Variants in ATXN10 observed in about 807,000 individuals in gnomAD.
The protein encoded by ATXN10 is ataxin-10.
ATXN10 carries 28 observed loss-of-function variants against 52.9 expected under a neutral mutation model. That is an observed-to-expected ratio of 0.53 (90% CI 0.39 to 0.73). The LOEUF (loss-of-function observed/expected upper bound fraction) is 0.73. ATXN10 is among the 30% of genes least tolerant of loss of function. ATXN10 has a pLI of 0.00. For missense variants in ATXN10, 565 were observed against 577.0 expected, an observed-to-expected ratio of 0.98 and a Z score of 0.21; for synonymous variants, 226 against 221.5, an observed-to-expected ratio of 1.02 and a Z score of -0.18.
chr22:45,703,565 A>G (rs1432178464), intron 5 of ATXN10, among the ~76,000 whole-genome samples: 2 of 152,196 alleles, frequency 1.3e-5, no homozygotes, highest in African/African-American at 4.8e-5. Flanking sequence ...AGGCAGGGCC[A>G]AGGCTGTGGC....
rs761365419 is a variant in ATXN10 at position 45,689,861 on chromosome 22, G to A, written c.266G>A (p.Arg89His). Reference sequence around the variant, plus strand: ...ATAACAGAATGCTTCAGGTGTCTTCGCAATGCTTGCATAGAGTGTTCTGTG... The same window carrying A: ...ATAACAGAATGCTTCAGGTGTCTTCACAATGCTTGCATAGAGTGTTCTGTG... ...QLITECFRCL[R>H]NACIECSVNQ... is the part of the protein sequence containing the mutation. The change falls in exon 2 of 12, where the codon CGC becomes CAC. Residue 89 changes from arginine (R) to histidine (H), a missense_variant. By Grantham distance (29) the Arg-to-His change is conservative (BLOSUM62 0). Coordinates refer to ENST00000252934, the MANE Select transcript of ATXN10 (RefSeq NM_013236.4). The A allele has an allele frequency of 1.4e-5, 23 of 1,614,028 alleles. No individual in the cohort carries two copies. Among genetic ancestry groups the A allele is most frequent in the Non-Finnish European group, 1.9e-5 (23 of 1,180,038 alleles).
At position 45,780,150 on chromosome 22, in the gene ATXN10, C is replaced by T. The variant is rs185466081; in HGVS notation, c.1174-26809C>T. Among the ~76,000 whole-genome samples the T allele has an allele frequency of 8.0e-5, 12 of 150,690 alleles. No homozygotes were observed. Among genetic ancestry groups the T allele is most frequent in the African/African-American group, 2.7e-4 (11 of 40,916 alleles). On this transcript the variant is annotated intron_variant, in intron 9 of 11. Transcript: ENST00000252934. The surrounding 1 kb of genome is among the most constrained non-coding windows in gnomAD (Gnocchi z 4.0). ...CCAGGCTGGAGTGCAGTGGCACGAT[C>T]TTGGTTCACTGCAACCTCCACCTCC...
rs373701019 is a variant in ATXN10 at position 45,824,610 on chromosome 22, T to C, written c.1237+17588T>C. Among the ~76,000 whole-genome samples the C allele has an allele frequency of 1.3e-5, 2 of 152,194 alleles. No individual in the cohort carries two copies. Among genetic ancestry groups the C allele is most frequent in the Admixed American group, 6.5e-5 (1 of 15,278 alleles). On this transcript the variant is annotated intron_variant, in intron 10 of 11. Coordinates refer to ENST00000252934, the MANE Select transcript of ATXN10 (RefSeq NM_013236.4). This position sits in a 1 kb window ranked among gnomAD's most constrained non-coding sequence, Gnocchi z 5.2. ...TATTTAATGAAATCTTCAAGTGGCATCAGATGCTAGTTGGGAACAATGACT... is the reference window on the plus strand; with the variant it reads ...TATTTAATGAAATCTTCAAGTGGCACCAGATGCTAGTTGGGAACAATGACT...
At chr22:45,722,672 C>G (rs951209983) in intron 6 of ATXN10, among the ~76,000 whole-genome samples, 1 of 151,972 alleles carries the variant, frequency 6.6e-6, no homozygotes, top group African/African-American at 2.4e-5. Context: ...GCTTCTACTC[C>G]CTTTAGCACT....
rs1926292125 is a variant in ATXN10, at chr22:45,759,314, C to G, written c.1173+18776C>G. 6.6e-6 allele frequency among the ~76,000 whole-genome samples: 1 copy of G among 152,170 alleles called. No individual in the cohort carries two copies. Among genetic ancestry groups the G allele is most frequent in the Non-Finnish European group, 1.5e-5 (1 of 68,032 alleles). On this transcript the variant is annotated intron_variant, in intron 9 of 11. Coordinates refer to ENST00000252934, the MANE Select transcript of ATXN10 (RefSeq NM_013236.4). This position sits in a 1 kb window ranked among gnomAD's most constrained non-coding sequence, Gnocchi z 5.4. ...ATCACCTGAGGTCAGGAGTTCAAGA[C>G]CAGCCTGGCTAACATGGTGAAACCC...
In ATXN10 at chr22:45,733,819, A is replaced by T. The variant is rs1925181528; in HGVS notation, c.894+4229A>T. 6.7e-6 allele frequency among the ~76,000 whole-genome samples: 1 copy of T among 148,600 alleles called. No homozygotes were observed. Among genetic ancestry groups the T allele is most frequent in the African/African-American group, 2.5e-5 (1 of 40,608 alleles). On this transcript the variant is annotated intron_variant, in intron 7 of 11. Coordinates refer to ENST00000252934, the MANE Select transcript of ATXN10 (RefSeq NM_013236.4). The surrounding 1 kb of genome is among the most constrained non-coding windows in gnomAD (Gnocchi z 4.4). ...CCCAGCCTCCATTTGTTTTCTATAG[A>T]TCTGCATATCCTTTTTTTTTTGTTT...
Position 45,823,446 on chromosome 22 carries a change from C to T in ATXN10, c.1237+16424C>T, listed in dbSNP as rs117352803. ...GGATTCTGTCTTTTTTTAATTTCCC[C>T]TGCGATTATGCAGTTGTTTCCGTTT... On this transcript the variant is annotated intron_variant, in intron 10 of 11. Transcript: ENST00000252934. This position sits in a 1 kb window ranked among gnomAD's most constrained non-coding sequence, Gnocchi z 4.9. Among the ~76,000 whole-genome samples, 7,051 of 152,094 alleles carry T rather than the reference C, an allele frequency of 0.046. 191 individuals carry two copies. The highest frequency in any genetic ancestry group is 0.06 in the Non-Finnish European group (4,099 of 68,008).
rs11090651 is a variant in ATXN10 at position 45,715,558 on chromosome 22, G to C, written c.648-2855G>C. Among the ~76,000 whole-genome samples, 3,548 of 152,242 alleles carry C rather than the reference G, an allele frequency of 0.023. 160 individuals carry two copies. Among genetic ancestry groups the C allele is most frequent in the African/African-American group, 0.081 (3,374 of 41,546 alleles). On this transcript the variant is annotated intron_variant, in intron 5 of 11. Transcript: ENST00000252934. The surrounding 1 kb of genome is among the most constrained non-coding windows in gnomAD (Gnocchi z 4.4). ...GTTGTTGTTGTTGTTAAGCTCATTAGCTATTCTTAGTATATTTTATCTGTG... is the reference window on the plus strand; with the variant it reads ...GTTGTTGTTGTTGTTAAGCTCATTACCTATTCTTAGTATATTTTATCTGTG...
chr22:45,831,848 G>C (rs193101017), intron 10 of ATXN10, among the ~76,000 whole-genome samples: 4 of 152,308 alleles, frequency 2.6e-5, no homozygotes, highest in Non-Finnish European at 5.9e-5. Context: ...AGAGGAGCGT[G>C]GTGGCCTTTA....
Position 45,740,725 on chromosome 22 carries a change from TATAC to T in ATXN10, c.1173+189_1173+192del, listed in dbSNP as rs775069449. The T allele has an allele frequency of 7.4e-3, 2,693 of 364,984 alleles. 136 individuals carry two copies. The highest frequency in any genetic ancestry group is 0.064 in the African/African-American group (2,481 of 38,614). The allele number at this position is 364,984 out of a possible 1,614,324, so 22.6% of individuals were successfully genotyped here. ...ACACACACACACACACACACATATATATACACACACACACGTGTGTGTGTGTGTG... is the reference window on the plus strand; with the variant it reads ...ACACACACACACACACACACATATATACACACACACGTGTGTGTGTGTGTG... On this transcript the variant is annotated intron_variant, in intron 9 of 11. Transcript: ENST00000252934.
rs536435233 is a variant in ATXN10, at chr22:45,804,796, T to G, written c.1174-2163T>G. Among the ~76,000 whole-genome samples the G allele has an allele frequency of 2.2e-4, 34 of 152,330 alleles. No homozygotes were observed. The South Asian group carries it at 7.1e-3, about 32-fold the overall frequency. ...TTATACAAGGCACATTCACAGAGTC[T>G]CCATTCCTGTTTCCTCCACCCCATT... On this transcript the variant is annotated intron_variant, in intron 9 of 11. Transcript: ENST00000252934.
Position 45,733,756 on chromosome 22 carries a change from T to TA in ATXN10, c.894+4180dup, listed in dbSNP as rs80005624. On this transcript the variant is annotated intron_variant, in intron 7 of 11. Transcript: ENST00000252934. This position sits in a 1 kb window ranked among gnomAD's most constrained non-coding sequence, Gnocchi z 4.4. ...GGGCGACAGAGCAAGACTCCCATCTTAAAAAAAAAAAAAAGTTACAAAGTT... is the reference window on the plus strand; with the variant it reads ...GGGCGACAGAGCAAGACTCCCATCTTAAAAAAAAAAAAAAAGTTACAAAGTT... 7.0e-4 allele frequency among the ~76,000 whole-genome samples: 99 copies of TA among 141,662 alleles called. No homozygotes were observed. The highest frequency in any genetic ancestry group is 8.0e-4 in the East Asian group (4 of 4,984). The allele number at this position is 141,662 out of a possible 152,430, so 92.9% of individuals were successfully genotyped here. A position where few individuals can be genotyped will look rare whatever the true frequency, so the allele number is the denominator to read the frequency against.
intron 3 of ATXN10, among the ~76,000 whole-genome samples, chr22:45,695,708 G>A (rs1168998978): frequency 2.0e-5 from 3 of 151,952 alleles, no homozygotes; most frequent in African/African-American, 7.3e-5. Flanking sequence ...TGGCCAGGCA[G>A]GTCTTGAACT....
At chr22:45,747,230 A>G (rs1011472616) in intron 9 of ATXN10, among the ~76,000 whole-genome samples, 1 of 152,312 alleles carries the variant, frequency 6.6e-6, no homozygotes, top group Non-Finnish European at 1.5e-5. Context: ...GGCCGGGTGC[A>G]GTGGCTCAAG....
chr22:45,733,553 GGT>G lies in ATXN10; in HGVS notation c.894+3965_894+3966del, dbSNP rs988866073. 2.6e-5 allele frequency among the ~76,000 whole-genome samples: 4 copies of G among 152,068 alleles called. No individual in the cohort carries two copies. The highest frequency in any genetic ancestry group is 5.9e-5 in the Non-Finnish European group (4 of 68,020). ...AGTTTGAGACCAGCCTGACTAACAT[GGT>G]GAGACCCCCGTCTCTACTAAAAATA... is the stretch of plus-strand genomic sequence containing the variant. On this transcript the variant is annotated intron_variant, in intron 7 of 11. Coordinates refer to ENST00000252934, the MANE Select transcript of ATXN10 (RefSeq NM_013236.4). This position sits in a 1 kb window ranked among gnomAD's most constrained non-coding sequence, Gnocchi z 4.4.
chr22:45,736,148 G>A (rs138168), intron 7 of ATXN10, among the ~76,000 whole-genome samples: 8,788 of 151,874 alleles, frequency 0.058, 737 homozygotes, highest in African/African-American at 0.19. Flanking sequence ...TCATTTTAAC[G>A]TGGAAAATTT....
intron 9 of ATXN10, among the ~76,000 whole-genome samples, chr22:45,804,934 G>T (rs2146882531): frequency 6.6e-6 from 1 of 152,110 alleles, no homozygotes; most frequent in Admixed American, 6.5e-5. Context: ...CTCATATAAG[G>T]CTATTAACAT....
In ATXN10 at chr22:45,738,846, G is replaced by C; in HGVS notation, c.1003+7G>C. 1 of 1,601,320 alleles carries C rather than the reference G, an allele frequency of 6.2e-7. No individual in the cohort carries two copies. Among genetic ancestry groups the C allele is most frequent in the Non-Finnish European group, 8.6e-7 (1 of 1,168,360 alleles). On this transcript the variant is annotated splice_region_variant and intron_variant, in intron 8 of 11. Coordinates refer to ENST00000252934, the MANE Select transcript of ATXN10 (RefSeq NM_013236.4). Reference sequence around the variant, plus strand: ...TTGCTGGAAAGAGTGATTGGTGAGTGAAATATCACACATTGTATTTTTAGC... The same window carrying C: ...TTGCTGGAAAGAGTGATTGGTGAGTCAAATATCACACATTGTATTTTTAGC...
rs1388782016 is a variant in ATXN10 at position 45,825,422 on chromosome 22, C to T, written c.1238-17569C>T. 6.6e-6 allele frequency among the ~76,000 whole-genome samples: 1 copy of T among 152,106 alleles called. No individual in the cohort carries two copies. The highest frequency in any genetic ancestry group is 1.5e-5 in the Non-Finnish European group (1 of 68,022). On this transcript the variant is annotated intron_variant, in intron 10 of 11. Transcript: ENST00000252934. The surrounding 1 kb of genome is among the most constrained non-coding windows in gnomAD (Gnocchi z 4.5). Reference sequence around the variant, plus strand: ...GAAAATTAGAAAGTCACCGTAGATTCCCAGGGAATAGCATAGGCTCGGAGA... The same window carrying T: ...GAAAATTAGAAAGTCACCGTAGATTTCCAGGGAATAGCATAGGCTCGGAGA...
Sources: allele counts gnomAD v4.1 joint callset (sites outside exome capture counted in the v4.1 genomes callset), GRCh38; gene constraint gnomAD v4.1.1; non-coding constraint Gnocchi (gnomAD v3.1); transcripts MANE v1.5; gene names NCBI Gene and HGNC (gene_info 2026-07-23, HGNC 2026-07-21).